The following ANK1 variants were observed in gnomAD, a reference collection of about 807,000 sequenced individuals.
The protein encoded by ANK1 is ankyrin-1.
Under a neutral mutation model 210.4 loss-of-function variants are expected in ANK1, and 51 were observed. That is an observed-to-expected ratio of 0.24 (90% CI 0.19 to 0.31). ANK1 has a LOEUF of 0.31. Ranked by LOEUF, ANK1 falls within the 10% of genes least tolerant of loss-of-function variation. ANK1 has a pLI of 1.00. For synonymous variants in ANK1, 967 were observed against 1,025.9 expected (o/e 0.94, Z 1.10); for missense variants, 2,051 against 2,504.4 (o/e 0.82, Z 3.86).
rs775323741 is a variant in ANK1, at chr8:41,696,662, C to T, written c.2735+14G>A. 1.2e-5 allele frequency: 20 copies of T among 1,604,666 alleles called. No individual in the cohort carries two copies. The East Asian group carries it at 1.3e-4, about 11-fold the overall frequency. ...TGGAGACAGGAGTCCCCGAGCCCTG[C>T]GCCCGCCACTCACCCTGTATGCACC... On this transcript the variant is annotated intron_variant, in intron 25 of 42. Coordinates refer to ENST00000289734, the MANE Select transcript of ANK1 (RefSeq NM_000037.4).
At chr8:41,669,719 C>T (rs1310143558) in intron 38 of ANK1, among the ~76,000 whole-genome samples, 1 of 152,190 alleles carries the variant, frequency 6.6e-6, no homozygotes, top group Non-Finnish European at 1.5e-5. Flanking sequence ...ATATGCCCTG[C>T]ACCCGCCCAC....
intron 16 of ANK1, among the ~76,000 whole-genome samples, chr8:41,713,644 T>C (rs2150630858): frequency 6.6e-6 from 1 of 152,348 alleles, no homozygotes; most frequent in South Asian, 2.1e-4. Context: ...AGGTCTCTTG[T>C]TTCCAGGTTC....
At chr8:41,683,347 G>A (rs1335168055) in intron 37 of ANK1, among the ~76,000 whole-genome samples, 1 of 152,138 alleles carries the variant, frequency 6.6e-6, no homozygotes, top group Non-Finnish European at 1.5e-5. Flanking sequence ...CTCCCAGGAT[G>A]CAAGATGGCA....
At chr8:41,671,833 C>T (rs1339932213) in intron 38 of ANK1, among the ~76,000 whole-genome samples, 1 of 144,878 alleles carries the variant, frequency 6.9e-6, no homozygotes, top group African/African-American at 2.6e-5. Flanking sequence ...CTAAGTGAGT[C>T]CTCCCGGTGC....
intron 3 of ANK1, among the ~76,000 whole-genome samples, chr8:41,731,679 T>A (rs921564951): frequency 1.3e-5 from 2 of 152,108 alleles, no homozygotes; most frequent in African/African-American, 2.4e-5. Flanking sequence ...CACCTTTTTT[T>A]CCCCCTCTCT....
At position 41,686,296 on chromosome 8, in the gene ANK1, A is replaced by G. The variant is rs772895763; in HGVS notation, c.4259-13T>C. On this transcript the variant is annotated splice_polypyrimidine_tract_variant and intron_variant, in intron 35 of 42. Coordinates refer to ENST00000289734, the MANE Select transcript of ANK1 (RefSeq NM_000037.4). ...TCCCGGGCCAACTCTGCAAGCAAAG[A>G]ACCAACAGCAGATGTGAGCCTCCAG... The G allele has an allele frequency of 1.2e-4, 194 of 1,613,066 alleles. No homozygotes were observed. Among genetic ancestry groups the G allele is most frequent in the Non-Finnish European group, 1.6e-4 (184 of 1,180,016 alleles).
chr8:41,815,246 C>A (rs999534221), intron 1 of ANK1, among the ~76,000 whole-genome samples: 2 of 151,974 alleles, frequency 1.3e-5, no homozygotes, highest in Non-Finnish European at 2.9e-5. Context: ...AAACATGAAG[C>A]ACAGGAAATT....
chr8:41,771,584 G>A (rs1441491427), intron 1 of ANK1, among the ~76,000 whole-genome samples: 1 of 152,222 alleles, frequency 6.6e-6, no homozygotes, highest in African/African-American at 2.4e-5. Flanking sequence ...GGCAGACACA[G>A]GCCACTGTTC....
chr8:41,890,582 G>A (rs1010257876), intron 1 of ANK1, among the ~76,000 whole-genome samples: 7 of 151,986 alleles, frequency 4.6e-5, no homozygotes, highest in South Asian at 2.1e-4. Flanking sequence ...GGTGACACGC[G>A]CCTGTAGTCC....
intron 2 of ANK1, among the ~76,000 whole-genome samples, chr8:41,747,113 T>C (rs946996845): frequency 6.6e-6 from 1 of 152,140 alleles, no homozygotes; most frequent in Non-Finnish European, 1.5e-5. Flanking sequence ...AAAAGTAATA[T>C]GCCAAGATTC....
chr8:41,715,921 A>G, intron 13 of ANK1, 72 bp from the exon 14 acceptor site: 1 of 1,583,740 alleles, frequency 6.3e-7, no homozygotes, highest in Non-Finnish European at 8.6e-7. Flanking sequence ...TCTTACAGAG[A>G]AGCAAGGCAG....
At chr8:41,864,570 C>T (rs975528799) in intron 1 of ANK1, among the ~76,000 whole-genome samples, 6 of 152,186 alleles carry the variant, frequency 3.9e-5, no homozygotes, top group South Asian at 2.1e-4. Flanking sequence ...TAACCAAACT[C>T]GGCTTCCTTG....
At chr8:41,742,096 A>G (rs532800908) in intron 2 of ANK1, among the ~76,000 whole-genome samples, 1 of 152,382 alleles carries the variant, frequency 6.6e-6, no homozygotes, top group Non-Finnish European at 1.5e-5. Context: ...AAGAAGAAGA[A>G]GAAAAAAGTC....
chr8:41,709,223 G>C (rs1011841100), intron 16 of ANK1, among the ~76,000 whole-genome samples: 2 of 152,206 alleles, frequency 1.3e-5, no homozygotes, highest in Non-Finnish European at 2.9e-5. Context: ...GTTATGCTTT[G>C]ACAAACTGCT....
At chr8:41,739,848 C>T (rs1182523282) in intron 2 of ANK1, among the ~76,000 whole-genome samples, 1 of 152,102 alleles carries the variant, frequency 6.6e-6, no homozygotes, top group Admixed American at 6.5e-5. Flanking sequence ...TCCAGCCATC[C>T]TGCATGCCTG....
At chr8:41,871,891 C>T (rs1233043061) in intron 1 of ANK1, among the ~76,000 whole-genome samples, 1 of 152,206 alleles carries the variant, frequency 6.6e-6, no homozygotes, top group Non-Finnish European at 1.5e-5. Context: ...CCACCCAGCA[C>T]AAGCAGACCT....
At chr8:41,850,420 C>T (rs148728716) in intron 1 of ANK1, among the ~76,000 whole-genome samples, 144 of 152,288 alleles carry the variant, frequency 9.5e-4, no homozygotes, top group Non-Finnish European at 1.6e-3. Context: ...AACTAACTCA[C>T]TGGCATATTA....
At position 41,697,930 on chromosome 8, in the gene ANK1, G is replaced by A. The variant is rs111858042; in HGVS notation, c.2637+113C>T. ...TGGAATGCCAGTTGGACAGTGAGTG[G>A]CATGTGAGCTATTAGTGCCTATTGT... On this transcript the variant is annotated intron_variant, in intron 24 of 42. Transcript: ENST00000289734. 1.8e-5 allele frequency: 17 copies of A among 951,584 alleles called. No individual in the cohort carries two copies. The African/African-American group carries it at 2.4e-4, about 14-fold the overall frequency. 58.9% of individuals were successfully genotyped at this position (951,584 alleles called of 1,614,324 possible).
chr8:41,743,027 G>A (rs1254570179), intron 2 of ANK1, among the ~76,000 whole-genome samples: 1 of 152,196 alleles, frequency 6.6e-6, no homozygotes, highest in Non-Finnish European at 1.5e-5. Context: ...TGTCACAGAA[G>A]CTTAATTCCG....
Sources: gnomAD v4.1 joint callset for allele counts (sites outside exome capture counted in the v4.1 genomes callset) on GRCh38, gnomAD v4.1.1 for gene constraint, MANE v1.5 for transcripts, NCBI Gene and HGNC (gene_info 2026-07-23, HGNC 2026-07-21) for gene names.